Variants in SGIP1 observed in about 807,000 individuals in gnomAD.
SGIP1 encodes the protein SH3-containing GRB2-like protein 3-interacting protein 1.
In SGIP1, 38 loss-of-function variants were observed where a neutral mutation model predicts 107.5. The ratio of observed to expected loss-of-function variants is 0.35; its 90% CI spans 0.27 to 0.46. The LOEUF (loss-of-function observed/expected upper bound fraction) is 0.46. Among genes scored for constraint, SGIP1 ranks in the 20% least tolerant of loss-of-function variants. The pLI is 1.00. For missense variants in SGIP1, 929 were observed against 1,019.5 expected, an observed-to-expected ratio of 0.91 and a Z score of 1.21; for synonymous variants, 365 against 366.1, an observed-to-expected ratio of 1.00 and a Z score of 0.03.
rs181769923 is a variant in SGIP1, at chr1:66,683,968, C to T, written c.1315+1599C>T. On this transcript the variant is annotated intron_variant, in intron 15 of 24. Transcript: ENST00000371037. The stretch of plus-strand genomic sequence containing the variant: ...CTGGCCTCAAGTGACCCACCTGCCT[C>T]AGCCTCCCAAAGTGCTGGGATTATA... 7.8e-4 allele frequency: 1,022 copies of T among 1,307,972 alleles called. 11 individuals are homozygous for T. The African/African-American group carries it at 0.014, about 18-fold the overall frequency. The allele number at this position is 1,307,972 out of a possible 1,614,324, so 81.0% of individuals were successfully genotyped here.
intron 1 of SGIP1, among the ~76,000 whole-genome samples, chr1:66,548,443 C>T (rs986887100): frequency 1.3e-5 from 2 of 151,958 alleles, no homozygotes; most frequent in African/African-American, 2.4e-5. Context: ...TGAATAAACC[C>T]TTTCTAACCC....
In SGIP1 at chr1:66,581,897, T is replaced by C. The variant is rs4655627; in HGVS notation, c.11-43950T>C. Among the ~76,000 whole-genome samples the C allele has an allele frequency of 2.5e-4, 38 of 152,236 alleles. No homozygotes were observed. In the South Asian group the frequency reaches 7.9e-3, roughly 32 times the overall value. On this transcript the variant is annotated intron_variant, in intron 1 of 24. Transcript: ENST00000371037. ...CACTAATTAGGATTTGCTTCACAAA[T>C]TGTTACTGTTTATTTTCTTTTAAGA...
intron 1 of SGIP1, among the ~76,000 whole-genome samples, chr1:66,621,790 T>C (rs1336974459): frequency 6.6e-6 from 1 of 152,250 alleles, no homozygotes; most frequent in African/African-American, 2.4e-5. Flanking sequence ...TTTTCCTTTT[T>C]ATGGCTGAAT....
intron 1 of SGIP1, among the ~76,000 whole-genome samples, chr1:66,542,352 C>G (rs1249396599): frequency 2.0e-5 from 3 of 152,182 alleles, no homozygotes; most frequent in Non-Finnish European, 2.9e-5. Flanking sequence ...AATGCGGTGT[C>G]TGTCTCAAAA....
At position 66,743,965 on chromosome 1, in the gene SGIP1, A is replaced by AT. The variant is rs989446090; in HGVS notation, c.*874dup. On this transcript the variant is annotated 3_prime_UTR_variant, in exon 25 of 25. Coordinates refer to ENST00000371037, the MANE Select transcript of SGIP1 (RefSeq NM_032291.4). The stretch of plus-strand genomic sequence containing the variant: ...CAGTCAGACTAAAACCAAAATTGTG[A>AT]TTTTAAGATTTCAAGACTTTCCGTA... 6.6e-6 allele frequency: 1 copy of AT among 152,278 alleles called. No homozygotes were observed. Among genetic ancestry groups the AT allele is most frequent in the Non-Finnish European group, 1.5e-5 (1 of 67,998 alleles). The allele number at this position is 152,278 out of a possible 1,614,324, so 9.4% of individuals were successfully genotyped here. A position where few individuals can be genotyped will look rare whatever the true frequency, so the allele number is the denominator to read the frequency against.
chr1:66,548,600 G>A (rs978271126), intron 1 of SGIP1, among the ~76,000 whole-genome samples: 4 of 152,090 alleles, frequency 2.6e-5, no homozygotes, highest in Non-Finnish European at 5.9e-5. Flanking sequence ...TAGCCGTTCT[G>A]ATACTGAATC....
intron 7 of SGIP1, among the ~76,000 whole-genome samples, chr1:66,646,378 A>G (rs1216091560): frequency 1.3e-5 from 2 of 152,240 alleles, no homozygotes; most frequent in East Asian, 1.9e-4. Context: ...TATGGTTTTT[A>G]TACTACAAAA....
intron 19 of SGIP1, among the ~76,000 whole-genome samples, chr1:66,723,243 A>G (rs2093619348): frequency 6.6e-6 from 1 of 152,240 alleles, no homozygotes; most frequent in East Asian, 1.9e-4. Flanking sequence ...GATTTTGTCT[A>G]TAGTTCCCTG....
intron 3 of SGIP1, among the ~76,000 whole-genome samples, chr1:66,634,575 C>T (rs577716456): frequency 6.6e-6 from 1 of 152,304 alleles, no homozygotes; most frequent in South Asian, 2.1e-4. Flanking sequence ...TCCCCAAGTC[C>T]TTCACCATTC....
At chr1:66,576,021 T>C (rs2148668615) in intron 1 of SGIP1, among the ~76,000 whole-genome samples, 1 of 152,308 alleles carries the variant, frequency 6.6e-6, no homozygotes, top group East Asian at 1.9e-4. Flanking sequence ...AGAGTGAAGA[T>C]GGAGAGATCC....
intron 1 of SGIP1, among the ~76,000 whole-genome samples, chr1:66,601,954 T>C (rs969250875): frequency 3.9e-5 from 6 of 152,238 alleles, no homozygotes; most frequent in African/African-American, 1.4e-4. Context: ...TCTAAATTAG[T>C]ACATAGATCC....
intron 18 of SGIP1, among the ~76,000 whole-genome samples, chr1:66,706,433 T>C (rs1446496622): frequency 7.6e-6 from 1 of 131,290 alleles, no homozygotes; most frequent in East Asian, 2.5e-4. Flanking sequence ...ATATAATTTA[T>C]ATAGAGATAC....
intron 1 of SGIP1, among the ~76,000 whole-genome samples, chr1:66,594,649 A>G (rs1009702005): frequency 6.6e-6 from 1 of 152,164 alleles, no homozygotes; most frequent in African/African-American, 2.4e-5. Context: ...AAAGATTTGA[A>G]TATAAAATAA....
chr1:66,569,167 C>T (rs1482629767), intron 1 of SGIP1, among the ~76,000 whole-genome samples: 1 of 151,922 alleles, frequency 6.6e-6, no homozygotes, highest in East Asian at 1.9e-4. Context: ...ATGAGGTACC[C>T]AGAGAGAAAG....
rs570029381 is a variant in SGIP1 at position 66,674,336 on chromosome 1, C to A, written c.646+970C>A. On this transcript the variant is annotated intron_variant, in intron 12 of 24. Coordinates refer to ENST00000371037, the MANE Select transcript of SGIP1 (RefSeq NM_032291.4). ...ACCGTGTACTTTACTGACATAAAAT[C>A]AGCTCTCTATAAAATGGATCTTATC... Among the ~76,000 whole-genome samples the A allele has an allele frequency of 6.5e-4, 99 of 152,108 alleles. 1 individual carries two copies. The highest frequency in any genetic ancestry group is 2.9e-4 in the Non-Finnish European group (20 of 68,026).
intron 5 of SGIP1, among the ~76,000 whole-genome samples, chr1:66,641,205 C>T (rs1033711280): frequency 6.6e-6 from 1 of 152,038 alleles, no homozygotes; most frequent in Non-Finnish European, 1.5e-5. Context: ...TGCTCTTATA[C>T]ACACACACAT....
chr1:66,636,097 C>T, intron 4 of SGIP1, 82 bp downstream of exon 4: 1 of 1,153,814 alleles, frequency 8.7e-7, no homozygotes, highest in Non-Finnish European at 1.2e-6. Context: ...ATTTGGAAAA[C>T]ACAGTAGTTT....
intron 20 of SGIP1, 46 bp from the exon 21 acceptor site, chr1:66,733,702 T>A (rs762992469): frequency 1.3e-6 from 2 of 1,594,792 alleles, no homozygotes; most frequent in Non-Finnish European, 1.7e-6. Context: ...AGGGTTTATA[T>A]TTGTTTTAAG....
chr1:66,711,435 C>G (rs2092910775), intron 18 of SGIP1, among the ~76,000 whole-genome samples: 1 of 152,076 alleles, frequency 6.6e-6, no homozygotes, highest in Admixed American at 6.6e-5. Context: ...ACATTCTTTC[C>G]CTTTGTCACT....
Sources: gnomAD v4.1 joint callset for allele counts (sites outside exome capture counted in the v4.1 genomes callset) on GRCh38, gnomAD v4.1.1 for gene constraint, MANE v1.5 for transcripts, NCBI Gene and HGNC (gene_info 2026-07-23, HGNC 2026-07-21) for gene names.